ELF2: variants seen among roughly 807,000 people sequenced by gnomAD.
The protein encoded by ELF2 is ETS-related transcription factor Elf-2.
ELF2 carries 11 observed loss-of-function variants against 54.8 expected under a neutral mutation model. The observed-to-expected ratio is 0.20, with a 90% CI of 0.13 to 0.33. The LOEUF (loss-of-function observed/expected upper bound fraction) is 0.33. ELF2 is among the 10% of genes least tolerant of loss of function. ELF2 has a pLI of 1.00. For missense variants in ELF2, 513 were observed against 703.0 expected, an observed-to-expected ratio of 0.73 and a Z score of 3.06; for synonymous variants, 203 against 245.1, an observed-to-expected ratio of 0.83 and a Z score of 1.61.
chr4:139,113,106 C>T (rs1735145700), intron 4 of ELF2, among the ~76,000 whole-genome samples: 1 of 152,150 alleles, frequency 6.6e-6, no homozygotes, highest in Admixed American at 6.6e-5. Context: ...GCCTATAATC[C>T]CAGCACTGTG....
intron 1 of ELF2, among the ~76,000 whole-genome samples, chr4:139,159,526 A>T (rs530408923): frequency 1.3e-5 from 2 of 152,344 alleles, no homozygotes; most frequent in Admixed American, 6.5e-5. Flanking sequence ...CCTGAGGGAT[A>T]GAAGTTGGAA....
At chr4:139,131,812 A>G (rs1341283349) in intron 3 of ELF2, among the ~76,000 whole-genome samples, 1 of 148,998 alleles carries the variant, frequency 6.7e-6, no homozygotes, top group African/African-American at 2.5e-5. Flanking sequence ...AAAAAAAAAA[A>G]GAGATAGAAA....
chr4:139,078,291 A>C (rs1041678306), intron 4 of ELF2, among the ~76,000 whole-genome samples: 1 of 152,236 alleles, frequency 6.6e-6, no homozygotes, highest in Non-Finnish European at 1.5e-5. Context: ...AAAAAAAATT[A>C]GAAAACACTT....
intron 1 of ELF2, among the ~76,000 whole-genome samples, chr4:139,160,137 A>G (rs112801724): frequency 0.02 from 3,003 of 152,228 alleles, 39 homozygotes; most frequent in African/African-American, 0.039. Context: ...GGAGATTGAG[A>G]CCATCCTGGC....
chr4:139,091,060 A>C (rs778724977), intron 4 of ELF2, among the ~76,000 whole-genome samples: 1 of 152,028 alleles, frequency 6.6e-6, no homozygotes, highest in Non-Finnish European at 1.5e-5. Flanking sequence ...CAGCCTCCCA[A>C]GTAGCTGGGA....
upstream of ELF2, among the ~76,000 whole-genome samples, chr4:139,177,597 C>T (rs1743107114): frequency 6.6e-6 from 1 of 152,134 alleles, no homozygotes; most frequent in African/African-American, 2.4e-5. Context: ...GCTCCCCGAT[C>T]TCGCTCTCCA....
Position 139,060,736 on chromosome 4 carries a change from C to T in ELF2, c.807-62G>A, listed in dbSNP as rs373736352. On this transcript the variant is annotated intron_variant, in intron 8 of 9. Transcript: ENST00000686138. ...TTATTTCTTCACCCCACTCCACCCC[C>T]GCCAAAAAGACCACATACAGTGGAT... 182 of 1,385,912 alleles carry T rather than the reference C, an allele frequency of 1.3e-4. 1 individual carries two copies. In the East Asian group the frequency reaches 3.1e-3, roughly 24 times the overall value. The allele number at this position is 1,385,912 out of a possible 1,614,324, so 85.9% of individuals were successfully genotyped here.
At chr4:139,132,757 T>C (rs974880150) in intron 3 of ELF2, among the ~76,000 whole-genome samples, 1 of 150,678 alleles carries the variant, frequency 6.6e-6, no homozygotes, top group African/African-American at 2.4e-5. Context: ...CATATTTACC[T>C]AAGAGTCAAA....
At chr4:139,083,755 A>T (rs1366539061) in intron 4 of ELF2, among the ~76,000 whole-genome samples, 1 of 152,120 alleles carries the variant, frequency 6.6e-6, no homozygotes, top group African/African-American at 2.4e-5. Context: ...GAGAGACAAC[A>T]GCCTCACTCA....
intron 3 of ELF2, among the ~76,000 whole-genome samples, chr4:139,130,582 T>A (rs1049181323): frequency 6.6e-6 from 1 of 152,224 alleles, no homozygotes; most frequent in Non-Finnish European, 1.5e-5. Flanking sequence ...CTATCCTACG[T>A]ATTTATAGAA....
chr4:139,151,576 A>C (rs1483646305), intron 1 of ELF2, among the ~76,000 whole-genome samples: 1 of 152,186 alleles, frequency 6.6e-6, no homozygotes. Flanking sequence ...TGATGGATTC[A>C]TATGTGTTTG....
At chr4:139,066,594 AAGCAAAAAT>A (rs1169314745) in intron 7 of ELF2, 1 of 152,100 alleles carries the variant, frequency 6.6e-6, no homozygotes, top group African/African-American at 2.4e-5. Flanking sequence ...ACAAATTCTA[AAGCAAAAAT>A]AGGCAAGGGG....
intron 1 of ELF2, among the ~76,000 whole-genome samples, chr4:139,148,900 G>A (rs1167238939): frequency 1.3e-5 from 2 of 152,154 alleles, no homozygotes; most frequent in Non-Finnish European, 2.9e-5. Flanking sequence ...AAATGTTTAG[G>A]TAATTTGTTA....
At chr4:139,125,779 C>CAAAA (rs367767700) in intron 3 of ELF2, among the ~76,000 whole-genome samples, 1 of 96,524 alleles carries the variant, frequency 1.0e-5, no homozygotes, top group Non-Finnish European at 2.2e-5. Context: ...AGTCTGGCAG[C>CAAAA]AAAAAAAAAA....
At chr4:139,117,446 C>A (rs1345592660) in intron 4 of ELF2, among the ~76,000 whole-genome samples, 1 of 152,176 alleles carries the variant, frequency 6.6e-6, no homozygotes, top group Admixed American at 6.5e-5. Context: ...GTAATCCCAG[C>A]ACTTTGGGAG....
intron 1 of ELF2, among the ~76,000 whole-genome samples, chr4:139,153,896 G>A (rs1401427175): frequency 6.6e-6 from 1 of 152,142 alleles, no homozygotes; most frequent in Non-Finnish European, 1.5e-5. Context: ...CATGCAACAT[G>A]TGGATTTAGT....
intron 1 of ELF2, among the ~76,000 whole-genome samples, chr4:139,158,634 T>C (rs1179049607): frequency 6.6e-6 from 1 of 152,178 alleles, no homozygotes; most frequent in Admixed American, 6.5e-5. Context: ...GAAACATTTA[T>C]TGTACAGAAC....
intron 3 of ELF2, among the ~76,000 whole-genome samples, chr4:139,131,661 G>A (rs1479205256): frequency 1.3e-5 from 2 of 152,110 alleles, no homozygotes; most frequent in Middle Eastern, 3.4e-3. Context: ...GCTTTAGGGA[G>A]GACTCATCTC....
rs1210943741 is a variant in ELF2, at chr4:139,104,197, A to T, written c.238+20967T>A. On this transcript the variant is annotated intron_variant, in intron 4 of 9. Coordinates refer to ENST00000686138, the MANE Select transcript of ELF2 (RefSeq NM_001331036.3). ...TATAAAGCTACATTTGTCTCTTGAT[A>T]TACTCAATGAAAAAAATATACAGGA... Among the ~76,000 whole-genome samples the T allele has an allele frequency of 2.0e-5, 3 of 152,180 alleles. No homozygotes were observed. In the South Asian group the frequency reaches 6.2e-4, roughly 32 times the overall value.
Sources: allele counts gnomAD v4.1 joint callset (sites outside exome capture counted in the v4.1 genomes callset), GRCh38; gene constraint gnomAD v4.1.1; transcripts MANE v1.5; gene names NCBI Gene and HGNC (gene_info 2026-07-23, HGNC 2026-07-21).